CDH4: variants seen among roughly 807,000 people sequenced by gnomAD.
CDH4 encodes the protein cadherin 4.
Under a neutral mutation model 86.0 loss-of-function variants are expected in CDH4, and 33 were observed. That is an observed-to-expected ratio of 0.38 (90% confidence interval 0.29 to 0.51). CDH4 has a LOEUF of 0.51. Among genes scored for constraint, CDH4 ranks in the 20% least tolerant of loss-of-function variants. CDH4 has a pLI of 0.86. For missense variants in CDH4, 1,114 were observed against 1,307.4 expected, an observed-to-expected ratio of 0.85 and a Z score of 2.28; for synonymous variants, 555 against 549.4, an observed-to-expected ratio of 1.01 and a Z score of -0.14.
chr20:61,399,969 G>A (rs2085040825), intron 2 of CDH4, among the ~76,000 whole-genome samples: 1 of 152,206 alleles, frequency 6.6e-6, no homozygotes, highest in Admixed American at 6.5e-5. Context: ...GTGGTAGGGG[G>A]AATAGCTGGA....
In CDH4 at chr20:61,934,134, G is replaced by A. The variant is rs1348662350; in HGVS notation, c.2458G>A (p.Asp820Asn). The A allele has an allele frequency of 6.2e-7, 1 of 1,611,226 alleles. No homozygotes were observed. Among genetic ancestry groups the A allele is most frequent in the Non-Finnish European group, 8.5e-7 (1 of 1,179,326 alleles). Reference protein sequence around the residue: ...PSKAPGVRRVDERPVGAEPQY... With the variant: ...PSKAPGVRRVNERPVGAEPQY... The stretch of plus-strand genomic sequence containing the variant: ...CAAAGCCCCTGGCGTGCGTCGCGTG[G>A]ATGAGCGGCCGGTGGGCGCTGAGCC... Residue 820 changes from aspartate to asparagine, a missense_variant, in exon 15 of 16, where the codon GAT (aspartate) becomes AAT (asparagine). Around this residue, in one of 3 missense-constraint regions of CDH4, gnomAD observed 188 missense variants for 183.8 expected, o/e 1.02. Transcript: ENST00000614565.
chr20:61,682,983 C>T (rs1235807336), intron 2 of CDH4, among the ~76,000 whole-genome samples: 1 of 152,062 alleles, frequency 6.6e-6, no homozygotes, highest in Admixed American at 6.5e-5. Context: ...GAATGGTTCT[C>T]TTTCAGCTAG....
At chr20:61,701,108 C>G (rs529606144) in intron 2 of CDH4, among the ~76,000 whole-genome samples, 64 of 152,306 alleles carry the variant, frequency 4.2e-4, no homozygotes, top group African/African-American at 1.5e-3. Flanking sequence ...CCAGGCCTCT[C>G]TCCTCGGCTT....
chr20:61,312,130 T>TATG (rs11473417), intron 2 of CDH4, among the ~76,000 whole-genome samples: 146,651 of 151,478 alleles, frequency 0.97, 71,095 homozygotes, highest in East Asian at 1. Flanking sequence ...ATGTGGGTGG[T>TATG]GTGTGTGTGG....
intron 7 of CDH4, among the ~76,000 whole-genome samples, chr20:61,880,897 G>A (rs994919086): frequency 2.6e-4 from 39 of 152,332 alleles, no homozygotes; most frequent in Middle Eastern, 6.8e-3. Flanking sequence ...CAGTGAGTTA[G>A]AGTGAGGGCC....
chr20:61,846,283 GCCCC>G (rs1418804840), intron 5 of CDH4, among the ~76,000 whole-genome samples: 1 of 152,198 alleles, frequency 6.6e-6, no homozygotes, highest in Admixed American at 6.5e-5. Context: ...CGTGTGCTGG[GCCCC>G]CCAGGAGTGG....
chr20:61,677,920 TTAGA>T (rs1291056075), intron 2 of CDH4, among the ~76,000 whole-genome samples: 2 of 151,726 alleles, frequency 1.3e-5, no homozygotes, highest in African/African-American at 2.4e-5. Flanking sequence ...GATAGATACA[TTAGA>T]TAGATGATGG....
At chr20:61,701,818 T>A (rs1198347407) in intron 2 of CDH4, among the ~76,000 whole-genome samples, 1 of 152,214 alleles carries the variant, frequency 6.6e-6, no homozygotes, top group East Asian at 1.9e-4. Flanking sequence ...CATTTCCAGA[T>A]TTGGGATATC....
chr20:61,635,177 G>A (rs1363904347), intron 2 of CDH4, among the ~76,000 whole-genome samples: 1 of 151,392 alleles, frequency 6.6e-6, no homozygotes, highest in African/African-American at 2.4e-5. Context: ...TGCTGGACCC[G>A]GCAGTAACTC....
intron 2 of CDH4, among the ~76,000 whole-genome samples, chr20:61,592,389 G>A (rs899828141): frequency 1.4e-4 from 21 of 152,220 alleles, no homozygotes; most frequent in African/African-American, 3.6e-4. Context: ...AGGGGCGCCC[G>A]TCATCCATGC....
intron 2 of CDH4, among the ~76,000 whole-genome samples, chr20:61,442,998 A>G (rs552957947): frequency 6.6e-6 from 1 of 152,316 alleles, no homozygotes; most frequent in Admixed American, 6.5e-5. Flanking sequence ...ACCCCCAGGT[A>G]TGTGAATCAC....
rs558069457 is a variant in CDH4, at chr20:61,890,176, G to A, written c.1051-4734G>A. On this transcript the variant is annotated intron_variant, in intron 7 of 15. Coordinates refer to ENST00000614565, the MANE Select transcript of CDH4 (RefSeq NM_001794.5). ...TGATGGATGGGTGAATGGATGGTTG[G>A]ATGATGGATGGATAGATGATGGATG... Among the ~76,000 whole-genome samples, 33 of 93,506 alleles carry A rather than the reference G, an allele frequency of 3.5e-4. No individual in the cohort carries two copies. The East Asian group carries it at 4.7e-3, about 13-fold the overall frequency. The allele number at this position is 93,506 out of a possible 152,430, so 61.3% of individuals were successfully genotyped here. A position where few individuals can be genotyped will look rare whatever the true frequency, so the allele number is the denominator to read the frequency against.
At chr20:61,352,480 T>A (rs138198000) in intron 2 of CDH4, among the ~76,000 whole-genome samples, 60 of 152,354 alleles carry the variant, frequency 3.9e-4, no homozygotes, top group African/African-American at 1.3e-3. Flanking sequence ...TAGAAAGGAC[T>A]GCACTGGCCC....
chr20:61,586,057 TGATGGTGGTGATGGGGAA>T (rs1240086071), intron 2 of CDH4, among the ~76,000 whole-genome samples: 2 of 150,898 alleles, frequency 1.3e-5, no homozygotes, highest in African/African-American at 2.4e-5. Context: ...AGGATGATGG[TGATGGTGGTGATGGGGAA>T]GATGATGGTG....
chr20:61,317,790 G>A (rs1043607012), intron 2 of CDH4, among the ~76,000 whole-genome samples: 3 of 152,194 alleles, frequency 2.0e-5, no homozygotes, highest in African/African-American at 7.2e-5. Flanking sequence ...CTTCTGGGAA[G>A]CGTTTTTTCC....
intron 8 of CDH4, among the ~76,000 whole-genome samples, chr20:61,904,612 G>A (rs1018062066): frequency 1.3e-5 from 2 of 152,188 alleles, no homozygotes; most frequent in South Asian, 2.1e-4. Context: ...GCTGCACCGA[G>A]TGCCCTGACT....
intron 2 of CDH4, among the ~76,000 whole-genome samples, chr20:61,694,775 AGAG>A (rs1449744248): frequency 6.6e-6 from 1 of 152,226 alleles, no homozygotes; most frequent in Admixed American, 6.5e-5. Context: ...GGCACCGTGA[AGAG>A]GAGATTAGCA....
intron 2 of CDH4, among the ~76,000 whole-genome samples, chr20:61,484,279 A>T (rs1453598960): frequency 1.3e-5 from 2 of 151,810 alleles, no homozygotes; most frequent in Non-Finnish European, 2.9e-5. Context: ...TTGCGCTTTC[A>T]TCTCCTTCCT....
intron 2 of CDH4, among the ~76,000 whole-genome samples, chr20:61,537,410 G>A (rs1237645317): frequency 6.6e-6 from 1 of 152,194 alleles, no homozygotes; most frequent in Admixed American, 6.5e-5. Context: ...CTGAGCACGT[G>A]GCCGGTGATG....
Sources: gnomAD v4.1 joint callset for allele counts (sites outside exome capture counted in the v4.1 genomes callset) on GRCh38, gnomAD v4.1.1 for gene constraint, gnomAD v4.1.1 regional missense constraint, MANE v1.5 for transcripts, NCBI Gene and HGNC (gene_info 2026-07-23, HGNC 2026-07-21) for gene names.